CTNNA3: variants seen among roughly 807,000 people sequenced by gnomAD.
The protein encoded by CTNNA3 is catenin alpha-3.
In CTNNA3, 76 loss-of-function variants were observed where a neutral mutation model predicts 95.7. The observed-to-expected ratio is 0.79, with a 90% CI of 0.66 to 0.96. The LOEUF is 0.96. CTNNA3 is among the 40% of genes least tolerant of loss of function. The pLI is 0.00. For synonymous variants in CTNNA3, 431 were observed against 374.4 expected (o/e 1.15, Z -1.74); for missense variants, 1,191 against 1,089.8 (o/e 1.09, Z -1.31).
intron 15 of CTNNA3, among the ~76,000 whole-genome samples, chr10:66,054,107 A>G (rs1345828705): frequency 1.3e-5 from 2 of 152,120 alleles, no homozygotes; most frequent in Non-Finnish European, 2.9e-5. Flanking sequence ...ATGTACCACA[A>G]TTTCTTTATC....
chr10:66,337,412 T>C (rs1176407462), intron 12 of CTNNA3, among the ~76,000 whole-genome samples: 1 of 152,050 alleles, frequency 6.6e-6, no homozygotes, highest in African/African-American at 2.4e-5. Context: ...GCTGGCCACT[T>C]TATACACATT....
At position 66,249,454 on chromosome 10, in the gene CTNNA3, T is replaced by A. The variant is rs111856020; in HGVS notation, c.1884+31016A>T. On this transcript the variant is annotated intron_variant, in intron 13 of 17. Transcript: ENST00000433211. Reference sequence around the variant, plus strand: ...AAAATCTAATCATCTGATCAAAAAGTGGGCAAAAGATCTGAATAAACATTT... The same window carrying A: ...AAAATCTAATCATCTGATCAAAAAGAGGGCAAAAGATCTGAATAAACATTT... Among the ~76,000 whole-genome samples the A allele has an allele frequency of 1.9e-3, 282 of 152,180 alleles. 2 individuals carry two copies. The highest frequency in any genetic ancestry group is 6.6e-3 in the African/African-American group (275 of 41,522).
intron 13 of CTNNA3, among the ~76,000 whole-genome samples, chr10:66,172,693 T>C (rs571130989): frequency 6.6e-6 from 1 of 152,148 alleles, no homozygotes; most frequent in Non-Finnish European, 1.5e-5. Flanking sequence ...GAAGAATTCA[T>C]ATACAGTGAA....
At chr10:66,362,015 T>A (rs747200500) in intron 12 of CTNNA3, among the ~76,000 whole-genome samples, 1 of 151,966 alleles carries the variant, frequency 6.6e-6, no homozygotes, top group Non-Finnish European at 1.5e-5. Context: ...GTGTGACATA[T>A]GCAGCTTTAA....
intron 9 of CTNNA3, among the ~76,000 whole-genome samples, chr10:66,642,239 T>C (rs1360219662): frequency 1.3e-5 from 2 of 148,926 alleles, no homozygotes; most frequent in Non-Finnish European, 3.0e-5. Flanking sequence ...ATTAAAATGT[T>C]GATATTTCTT....
intron 7 of CTNNA3, among the ~76,000 whole-genome samples, chr10:67,142,037 T>C (rs1860593276): frequency 6.6e-6 from 1 of 152,140 alleles, no homozygotes; most frequent in South Asian, 2.1e-4. Flanking sequence ...TATGCTTGAT[T>C]TATAAAAACA....
chr10:67,124,337 T>A (rs928996618), intron 7 of CTNNA3, among the ~76,000 whole-genome samples: 2 of 128,202 alleles, frequency 1.6e-5, no homozygotes, highest in African/African-American at 6.8e-5. Flanking sequence ...GTTAGCGGTG[T>A]GTGTGTGTGT....
chr10:65,972,904 GA>G (rs3052085), intron 16 of CTNNA3, among the ~76,000 whole-genome samples: 92,014 of 139,956 alleles, frequency 0.66, 32,133 homozygotes, highest in Non-Finnish European at 0.8. Flanking sequence ...TCCTAAGGGG[GA>G]AAAAAAAAAA....
At chr10:66,631,283 C>T (rs1589042315) in intron 9 of CTNNA3, among the ~76,000 whole-genome samples, 1 of 152,028 alleles carries the variant, frequency 6.6e-6, no homozygotes, top group Non-Finnish European at 1.5e-5. Context: ...TGTTTTACTG[C>T]TTATGTAACT....
chr10:66,789,307 T>G (rs1840877182), intron 7 of CTNNA3, among the ~76,000 whole-genome samples: 1 of 152,044 alleles, frequency 6.6e-6, no homozygotes, highest in Non-Finnish European at 1.5e-5. Flanking sequence ...CCCGAGTAGC[T>G]GGGATTACAG....
At chr10:66,776,797 A>G (rs74822089) in intron 7 of CTNNA3, among the ~76,000 whole-genome samples, 3 of 152,078 alleles carry the variant, frequency 2.0e-5, no homozygotes, top group Non-Finnish European at 4.4e-5. Context: ...CAGCATTTTG[A>G]GTGTTTTTCA....
chr10:66,018,704 T>G (rs2079142365), intron 15 of CTNNA3, among the ~76,000 whole-genome samples: 1 of 152,128 alleles, frequency 6.6e-6, no homozygotes, highest in South Asian at 2.1e-4. Flanking sequence ...TATTAAATTT[T>G]GAAAAGAGGA....
intron 1 of CTNNA3, among the ~76,000 whole-genome samples, chr10:67,663,331 T>C (rs1438030945): frequency 6.6e-6 from 1 of 152,044 alleles, no homozygotes; most frequent in African/African-American, 2.4e-5. Context: ...TTTTTATTTT[T>C]CTTTGTGTGT....
At chr10:66,816,948 A>G (rs927384038) in intron 7 of CTNNA3, among the ~76,000 whole-genome samples, 2 of 152,088 alleles carry the variant, frequency 1.3e-5, no homozygotes, top group Non-Finnish European at 2.9e-5. Flanking sequence ...AAATATCAAG[A>G]GACATTAGAA....
intron 7 of CTNNA3, among the ~76,000 whole-genome samples, chr10:67,129,587 T>C (rs1859891821): frequency 6.6e-6 from 1 of 152,140 alleles, no homozygotes; most frequent in South Asian, 2.1e-4. Context: ...ATCATTACTA[T>C]TATAGAGATG....
intron 7 of CTNNA3, among the ~76,000 whole-genome samples, chr10:66,778,192 C>T (rs1273092981): frequency 6.6e-6 from 1 of 152,134 alleles, no homozygotes; most frequent in African/African-American, 2.4e-5. Context: ...TCTACTTTTT[C>T]ACCTCCGGCT....
chr10:67,606,763 G>T (rs896391625), intron 3 of CTNNA3, 94 bp downstream of exon 3: 5 of 1,009,734 alleles, frequency 5.0e-6, no homozygotes, highest in Non-Finnish European at 7.3e-6. Flanking sequence ...TAAAAAACTG[G>T]AGCCAACAAA....
intron 16 of CTNNA3, among the ~76,000 whole-genome samples, chr10:65,980,556 C>T (rs1255174585): frequency 6.7e-6 from 1 of 149,562 alleles, no homozygotes; most frequent in East Asian, 2.0e-4. Flanking sequence ...AAACTATAGA[C>T]AAATATCCCT....
intron 10 of CTNNA3, among the ~76,000 whole-genome samples, chr10:66,613,024 T>C (rs1160941033): frequency 6.6e-6 from 1 of 152,078 alleles, no homozygotes; most frequent in Non-Finnish European, 1.5e-5. Flanking sequence ...AAGAACATTG[T>C]ACAGGCCAGC....
Sources: gnomAD v4.1 joint callset for allele counts (sites outside exome capture counted in the v4.1 genomes callset) on GRCh38, gnomAD v4.1.1 for gene constraint, MANE v1.5 for transcripts, NCBI Gene and HGNC (gene_info 2026-07-23, HGNC 2026-07-21) for gene names.